The following PPARD variants were observed in gnomAD, a reference collection of about 807,000 sequenced individuals.
PPARD encodes peroxisome proliferator activated receptor delta, also known as peroxisome proliferator-activated receptor delta.
PPARD carries 6 observed loss-of-function variants against 39.5 expected under a neutral mutation model. The observed-to-expected ratio is 0.15, with a 90% confidence interval of 0.08 to 0.30. The LOEUF (loss-of-function observed/expected upper bound fraction) is 0.30, where lower values mean the gene tolerates loss of function less well. Ranked by LOEUF, PPARD falls within the 10% of genes least tolerant of loss-of-function variation. The pLI is 1.00. For synonymous variants in PPARD, 210 were observed against 231.3 expected, an observed-to-expected ratio of 0.91 and a Z score of 0.83; for missense variants, 397 against 596.8, an observed-to-expected ratio of 0.67 and a Z score of 3.49.
At chr6:35,352,802 G>A (rs922697633) in intron 2 of PPARD, among the ~76,000 whole-genome samples, 3 of 152,216 alleles carry the variant, frequency 2.0e-5, no homozygotes. Context: ...TAGCATGAGA[G>A]CTGGGTTCTG....
At chr6:35,393,210 G>A (rs189208286) in intron 2 of PPARD, among the ~76,000 whole-genome samples, 44 of 152,312 alleles carry the variant, frequency 2.9e-4, no homozygotes, top group Middle Eastern at 3.4e-3. Context: ...GACCCCCAGG[G>A]CTCTGGCAGC....
Position 35,423,930 on chromosome 6 carries a change from C to G in PPARD, c.425-16C>G, listed in dbSNP as rs771851754. On this transcript the variant is annotated splice_polypyrimidine_tract_variant and intron_variant, in intron 5 of 7. Transcript: ENST00000360694. ...CCTGCCTGGGCTCCTTGCTGACTGC[C>G]CCCTTCCCTGTGCAGCTATCCGTTT... 1.2e-6 allele frequency: 2 copies of G among 1,613,330 alleles called. No individual in the cohort carries two copies. Among genetic ancestry groups the G allele is most frequent in the Non-Finnish European group, 1.7e-6 (2 of 1,179,940 alleles).
At chr6:35,352,339 A>T (rs759524219) in intron 2 of PPARD, among the ~76,000 whole-genome samples, 2 of 151,666 alleles carry the variant, frequency 1.3e-5, no homozygotes, top group Non-Finnish European at 2.9e-5. Context: ...GCGCACCCCA[A>T]TGCCCGGCTA....
intron 3 of PPARD, among the ~76,000 whole-genome samples, chr6:35,415,178 A>G (rs1445911031): frequency 6.6e-6 from 1 of 152,210 alleles, no homozygotes; most frequent in African/African-American, 2.4e-5. Context: ...CACTGTGCCC[A>G]GGGCTGGCCA....
At chr6:35,375,545 C>G (rs1278592684) in intron 2 of PPARD, among the ~76,000 whole-genome samples, 1 of 151,484 alleles carries the variant, frequency 6.6e-6, no homozygotes. Flanking sequence ...ATACATTTTA[C>G]TTCCGTTGTT....
At chr6:35,398,743 G>A (rs1329377048) in intron 2 of PPARD, among the ~76,000 whole-genome samples, 3 of 152,286 alleles carry the variant, frequency 2.0e-5, no homozygotes, top group South Asian at 2.1e-4. Flanking sequence ...AGGAGGGATC[G>A]AGCAGTCATA....
At chr6:35,381,552 G>A (rs1286780535) in intron 2 of PPARD, among the ~76,000 whole-genome samples, 2 of 152,118 alleles carry the variant, frequency 1.3e-5, no homozygotes, top group Admixed American at 6.5e-5. Context: ...AGATGGCTGC[G>A]GGAGCCCCAA....
At position 35,412,181 on chromosome 6, in the gene PPARD, T is replaced by G. The variant is rs932382596; in HGVS notation, c.130+964T>G. Among the ~76,000 whole-genome samples, 30 of 152,254 alleles carry G rather than the reference T, an allele frequency of 2.0e-4. No homozygotes were observed. The highest frequency in any genetic ancestry group is 6.7e-4 in the African/African-American group (28 of 41,542). On this transcript the variant is annotated intron_variant, in intron 3 of 7. Coordinates refer to ENST00000360694, the MANE Select transcript of PPARD (RefSeq NM_006238.5). This position sits in a 1 kb window ranked among gnomAD's most constrained non-coding sequence, Gnocchi z 4.1. ...GCTGGGCTCAAGCAATCCACCCACC[T>G]CAGCCTCCCAAAGTGCTGGGATTAC...
intron 2 of PPARD, among the ~76,000 whole-genome samples, chr6:35,408,767 C>T (rs1400649554): frequency 6.6e-6 from 1 of 152,170 alleles, no homozygotes; most frequent in South Asian, 2.1e-4. Flanking sequence ...TTTTTTCGTT[C>T]TAACTCTATT....
At chr6:35,383,256 A>C (rs1241675980) in intron 2 of PPARD, among the ~76,000 whole-genome samples, 2 of 152,124 alleles carry the variant, frequency 1.3e-5, no homozygotes, top group African/African-American at 4.8e-5. Context: ...GAGGTGGAGC[A>C]GTTGGGGTGG....
At chr6:35,360,845 C>T (rs1437375401) in intron 2 of PPARD, among the ~76,000 whole-genome samples, 1 of 152,164 alleles carries the variant, frequency 6.6e-6, no homozygotes, top group Non-Finnish European at 1.5e-5. Context: ...GATGCAGGGG[C>T]TGGGGTGCAG....
rs569284167 is a variant in PPARD at position 35,401,572 on chromosome 6, G to A, written c.-101-9415G>A. Among the ~76,000 whole-genome samples the A allele has an allele frequency of 7.3e-6, 1 of 136,834 alleles. No individual in the cohort carries two copies. Among genetic ancestry groups the A allele is most frequent in the Non-Finnish European group, 1.6e-5 (1 of 63,886 alleles). The allele number at this position is 136,834 out of a possible 152,430, so 89.8% of individuals were successfully genotyped here. A position where few individuals can be genotyped will look rare whatever the true frequency, so the allele number is the denominator to read the frequency against. On this transcript the variant is annotated intron_variant, in intron 2 of 7. Transcript: ENST00000360694. The surrounding 1 kb of genome is among the most constrained non-coding windows in gnomAD (Gnocchi z 4.1). ...CTTCTCTCTACCCACAGACAGCCCA[G>A]GTCCTCATTCCTTGGGCCTTTTCAC...
chr6:35,348,736 G>C, intron 2 of PPARD: 1 of 985,318 alleles, frequency 1.0e-6, no homozygotes, highest in Non-Finnish European at 1.2e-6. Context: ...GGTCCTGGGT[G>C]GGGGGCCCTC....
intron 2 of PPARD, among the ~76,000 whole-genome samples, chr6:35,392,866 A>G (rs1397949111): frequency 1.3e-5 from 2 of 152,128 alleles, no homozygotes; most frequent in South Asian, 2.1e-4. Context: ...GTAAGTAGAA[A>G]GACCCAGTGT....
chr6:35,403,224 A>G (rs1484611037), intron 2 of PPARD, among the ~76,000 whole-genome samples: 1 of 152,196 alleles, frequency 6.6e-6, no homozygotes, highest in African/African-American at 2.4e-5. Flanking sequence ...AACACAAGCC[A>G]TGGGTGATAA....
chr6:35,408,238 G>A (rs113188470), intron 2 of PPARD, among the ~76,000 whole-genome samples: 2,295 of 152,248 alleles, frequency 0.015, 58 homozygotes, highest in African/African-American at 0.051. Flanking sequence ...TAGCTTTTTC[G>A]GAAGCTCCTC....
chr6:35,405,850 G>A (rs990335914), intron 2 of PPARD, among the ~76,000 whole-genome samples: 6 of 151,730 alleles, frequency 4.0e-5, no homozygotes, highest in Non-Finnish European at 8.8e-5. Flanking sequence ...GGCTGGTCTC[G>A]AACACCTGAC....
intron 3 of PPARD, 31 bp downstream of exon 3, chr6:35,411,248 C>T: frequency 1.4e-6 from 2 of 1,471,174 alleles, no homozygotes; most frequent in South Asian, 1.4e-5. Context: ...GGACACGGGG[C>T]AGAGGAGGCA....
chr6:35,424,064 C>A lies in PPARD; in HGVS notation c.543C>A (p.His181Gln). Residue 181 changes from histidine to glutamine, a missense_variant, in exon 6 of 8, where the codon CAC becomes CAA. Transcript: ENST00000360694. The surrounding 1 kb of genome is among the most constrained non-coding windows in gnomAD (Gnocchi z 7.1). ...CCGACCTGAAGGCCTTCTCCAAGCA[C>A]ATCTACAATGCCTACCTGAAAAACT... is the stretch of plus-strand genomic sequence containing the variant. ...QVADLKAFSK[H>Q]IYNAYLKNFN... 6.2e-7 allele frequency: 1 copy of A among 1,614,186 alleles called. No homozygotes were observed. The highest frequency in any genetic ancestry group is 1.1e-5 in the South Asian group (1 of 91,086).
Sources: allele counts gnomAD v4.1 joint callset (sites outside exome capture counted in the v4.1 genomes callset), GRCh38; gene constraint gnomAD v4.1.1; non-coding constraint Gnocchi (gnomAD v3.1); transcripts MANE v1.5; gene names NCBI Gene and HGNC (gene_info 2026-07-23, HGNC 2026-07-21).